DPP6: variants seen among roughly 807,000 people sequenced by gnomAD.
DPP6 encodes the protein dipeptidyl peptidase like 6.
DPP6 carries 69 observed loss-of-function variants against 122.6 expected under a neutral mutation model. The ratio of observed to expected loss-of-function variants is 0.56; its 90% CI spans 0.46 to 0.69. The LOEUF is 0.69. Among genes scored for constraint, DPP6 ranks in the 30% least tolerant of loss-of-function variants. DPP6 has a pLI of 0.00. For missense variants in DPP6, 928 were observed against 1,116.9 expected, an observed-to-expected ratio of 0.83 and a Z score of 2.41; for synonymous variants, 418 against 433.1, an observed-to-expected ratio of 0.97 and a Z score of 0.43.
At chr7:154,451,289 G>T (rs1820344421) in intron 2 of DPP6, among the ~76,000 whole-genome samples, 1 of 151,178 alleles carries the variant, frequency 6.6e-6, no homozygotes, top group Non-Finnish European at 1.5e-5. Context: ...GAACCCAGGA[G>T]GCAGAGGTTG....
intron 1 of DPP6, among the ~76,000 whole-genome samples, chr7:153,919,762 G>T (rs1724659984): frequency 6.6e-6 from 1 of 152,166 alleles, no homozygotes; most frequent in Non-Finnish European, 1.5e-5. Context: ...TCTGTTTCAT[G>T]AATTTCTCCG....
At chr7:154,712,991 G>A (rs1214315569) in intron 7 of DPP6, among the ~76,000 whole-genome samples, 2 of 152,204 alleles carry the variant, frequency 1.3e-5, no homozygotes, top group African/African-American at 2.4e-5. Flanking sequence ...AAAATCAAAA[G>A]CAAGTTAGTT....
chr7:154,805,448 C>G (rs1013904287), intron 15 of DPP6, among the ~76,000 whole-genome samples: 2 of 152,062 alleles, frequency 1.3e-5, no homozygotes, highest in African/African-American at 2.4e-5. Context: ...TCTCGAAGCT[C>G]CTCAGTTTGG....
intron 18 of DPP6, among the ~76,000 whole-genome samples, chr7:154,870,185 A>G (rs1050259461): frequency 2.9e-5 from 4 of 136,112 alleles, no homozygotes; most frequent in African/African-American, 1.1e-4. Flanking sequence ...GGGTCTCACT[A>G]TGTTGCCCAA....
intron 1 of DPP6, among the ~76,000 whole-genome samples, chr7:154,212,935 C>G (rs1164559236): frequency 6.6e-6 from 1 of 152,122 alleles, no homozygotes; most frequent in African/African-American, 2.4e-5. Flanking sequence ...AAGTTTAGCC[C>G]CAGGACAAGG....
chr7:153,767,519 C>A, the DPP6 span, among the ~76,000 whole-genome samples: 1 of 144,084 alleles, frequency 6.9e-6, no homozygotes, highest in African/African-American at 2.6e-5. Context: ...AGGTGCCTAC[C>A]ATAACACCCG....
intron 7 of DPP6, among the ~76,000 whole-genome samples, chr7:154,692,623 G>A (rs1227615711): frequency 1.3e-5 from 2 of 152,118 alleles, no homozygotes; most frequent in South Asian, 2.1e-4. Flanking sequence ...AGAATTTGGG[G>A]TGTGAAATTC....
chr7:154,880,987 T>A (rs764793330), intron 21 of DPP6, 45 bp downstream of exon 21: 5 of 1,606,068 alleles, frequency 3.1e-6, no homozygotes, highest in Non-Finnish European at 4.3e-6. Context: ...AGTTCCAGTG[T>A]GGCCTGCACC....
intron 1 of DPP6, among the ~76,000 whole-genome samples, chr7:154,394,191 T>C (rs1348236032): frequency 6.6e-6 from 1 of 152,204 alleles, no homozygotes; most frequent in Non-Finnish European, 1.5e-5. Context: ...TCTCTATCGT[T>C]TTACACTCTC....
Position 154,885,607 on chromosome 7 carries a change from C to T in DPP6, c.2134-26C>T, listed in dbSNP as rs562489880. 4.5e-6 allele frequency: 7 copies of T among 1,553,756 alleles called. No homozygotes were observed. The Admixed American group carries it at 1.2e-4, about 26-fold the overall frequency. ...GCTGAGTTACTGCCAGGACTCCTAACTGTCTTCTCTCTGCGCTTTCTCCAG... is the reference window on the plus strand; with the variant it reads ...GCTGAGTTACTGCCAGGACTCCTAATTGTCTTCTCTCTGCGCTTTCTCCAG... On this transcript the variant is annotated intron_variant, in intron 21 of 25. Transcript: ENST00000377770.
intron 1 of DPP6, among the ~76,000 whole-genome samples, chr7:154,219,932 G>A (rs993367274): frequency 6.6e-6 from 1 of 152,132 alleles, no homozygotes; most frequent in Non-Finnish European, 1.5e-5. Context: ...CATTTCATTT[G>A]TGATTCTGTG....
chr7:153,950,122 T>A (rs2129020803), intron 1 of DPP6, among the ~76,000 whole-genome samples: 1 of 152,172 alleles, frequency 6.6e-6, no homozygotes, highest in South Asian at 2.1e-4. Context: ...CAGCCTCAGG[T>A]GGAACAGGTG....
At chr7:154,596,013 A>G (rs1833070610) in intron 5 of DPP6, among the ~76,000 whole-genome samples, 1 of 152,204 alleles carries the variant, frequency 6.6e-6, no homozygotes, top group Non-Finnish European at 1.5e-5. Flanking sequence ...GTGAGCCAAG[A>G]TGTGCCGCTA....
rs141963025 is a variant in DPP6 at position 154,517,790 on chromosome 7, G to A, written c.458-22742G>A. Among the ~76,000 whole-genome samples the A allele has an allele frequency of 1.0e-3, 159 of 152,210 alleles. 1 individual carries two copies. Among genetic ancestry groups the A allele is most frequent in the African/African-American group, 3.7e-3 (155 of 41,512 alleles). On this transcript the variant is annotated intron_variant, in intron 3 of 25. Transcript: ENST00000377770. ...CGGAAAGCAAAAGCAAAACAAAAAC[G>A]AGAAAAAATGAAACCAACAGAACTT... is the stretch of plus-strand genomic sequence containing the variant.
the DPP6 span, among the ~76,000 whole-genome samples, chr7:153,842,459 G>GT: frequency 6.6e-6 from 1 of 151,428 alleles, no homozygotes; most frequent in Admixed American, 6.6e-5. Context: ...GAGATACAGG[G>GT]TTTTTTTTAT....
At chr7:154,405,516 C>A (rs1461886181) in intron 1 of DPP6, among the ~76,000 whole-genome samples, 1 of 152,154 alleles carries the variant, frequency 6.6e-6, no homozygotes, top group African/African-American at 2.4e-5. Context: ...ATTTTCTAAG[C>A]AGACTGAGAA....
chr7:154,578,967 A>G (rs796422513), intron 5 of DPP6, among the ~76,000 whole-genome samples: 8 of 152,322 alleles, frequency 5.3e-5, no homozygotes, highest in African/African-American at 1.7e-4. Context: ...GCATCACTCC[A>G]TAATCTAGCT....
the DPP6 span, among the ~76,000 whole-genome samples, chr7:153,792,660 CT>C: frequency 0.13 from 18,540 of 138,448 alleles, 812 homozygotes; most frequent in African/African-American, 0.35. Flanking sequence ...TAAAGTTGTT[CT>C]TTTTTTTTTT....
chr7:153,857,764 T>A, the DPP6 span, among the ~76,000 whole-genome samples: 1 of 152,224 alleles, frequency 6.6e-6, no homozygotes, highest in African/African-American at 2.4e-5. Context: ...AATATTTTAG[T>A]AATGTTTGGT....
Sources: allele counts gnomAD v4.1 joint callset (sites outside exome capture counted in the v4.1 genomes callset), GRCh38; gene constraint gnomAD v4.1.1; transcripts MANE v1.5; gene names NCBI Gene and HGNC (gene_info 2026-07-23, HGNC 2026-07-21).